COL6A5: variants seen among roughly 807,000 people sequenced by gnomAD.
COL6A5 encodes collagen type VI alpha 5 chain, also known as collagen alpha-5(VI) chain.
A neutral mutation model predicts 65.6 loss-of-function variants in COL6A5; 48 were observed. The observed-to-expected ratio is 0.73, with a 90% CI of 0.58 to 0.93. COL6A5 has a LOEUF of 0.93. Among genes scored for constraint, COL6A5 ranks in the 40% least tolerant of loss-of-function variants. The probability of loss-of-function intolerance (pLI) is 0.00; values close to 1 mark genes in which losing one functional copy is unlikely to be tolerated. For synonymous variants in COL6A5, 291 were observed against 322.8 expected, an observed-to-expected ratio of 0.90 and a Z score of 1.05; for missense variants, 914 against 928.3, an observed-to-expected ratio of 0.98 and a Z score of 0.20.
chr3:130,470,851 C>T lies in COL6A5; in HGVS notation c.2232-20C>T, dbSNP rs756423781. The T allele has an allele frequency of 1.9e-5, 30 of 1,579,998 alleles. No homozygotes were observed. In the South Asian group the frequency reaches 2.9e-4, roughly 15 times the overall value. ...TGTAGGTGGGTAAAATTTAGACTAA[C>T]CAGCCCACTCTCTCTCCAGGTGCCA... On this transcript the variant is annotated intron_variant, in intron 6 of 7. Coordinates refer to ENST00000512836, the Ensembl canonical transcript of COL6A5.
chr3:130,406,206 C>G (rs1157472180), intron 16 of COL6A5, 31 bp downstream of exon 16: 55 of 1,549,910 alleles, frequency 3.5e-5, no homozygotes, highest in Non-Finnish European at 4.3e-5. Flanking sequence ...TATCATAAAA[C>G]TGTCATGAGG....
intron 25 of COL6A5, among the ~76,000 whole-genome samples, chr3:130,420,152 G>GGAA (rs1937484693): frequency 6.6e-6 from 1 of 151,638 alleles, no homozygotes; most frequent in African/African-American, 2.4e-5. Context: ...AAAGAAGGAA[G>GGAA]GAAGAGAGGA....
chr3:130,474,788 A>C (rs1026953101), intron 7 of COL6A5, among the ~76,000 whole-genome samples: 1 of 151,914 alleles, frequency 6.6e-6, no homozygotes, highest in African/African-American at 2.4e-5. Context: ...TGGGCAGATC[A>C]CTTGAGCCCA....
chr3:130,423,608 G>A (rs748996370), intron 28 of COL6A5, among the ~76,000 whole-genome samples: 74 of 152,046 alleles, frequency 4.9e-4, no homozygotes, highest in Non-Finnish European at 8.4e-4. Context: ...TGAAATGCAC[G>A]GCCAGTGCCA....
intron 5 of COL6A5, among the ~76,000 whole-genome samples, chr3:130,466,172 C>G (rs1285727315): frequency 6.6e-6 from 1 of 151,990 alleles, no homozygotes; most frequent in Non-Finnish European, 1.5e-5. Flanking sequence ...AATATATAAT[C>G]TTTTCAAGTG....
chr3:130,471,672 A>G lies in COL6A5; in HGVS notation c.2328+705A>G, dbSNP rs1416667910. ...AACTAATTTTTTATCTCTCTTCTCT[A>G]TTACCTCAGACTTCTTCCTGGGATA... On this transcript the variant is annotated intron_variant, in intron 7 of 7. Transcript: ENST00000512836. 1.3e-6 allele frequency: 2 copies of G among 1,533,476 alleles called. No individual in the cohort carries two copies. The highest frequency in any genetic ancestry group is 1.2e-5 in the South Asian group (1 of 83,636). The allele number at this position is 1,533,476 out of a possible 1,614,324, so 95.0% of individuals were successfully genotyped here.
chr3:130,461,759 T>C (rs527518223), intron 5 of COL6A5, among the ~76,000 whole-genome samples: 16 of 147,334 alleles, frequency 1.1e-4, no homozygotes, highest in Middle Eastern at 3.4e-3. Context: ...TAAATTTAAA[T>C]TAACTTTTTT....
At chr3:130,477,325 T>C in intron 7 of COL6A5, 1 of 397,908 alleles carries the variant, frequency 2.5e-6, no homozygotes, top group Non-Finnish European at 4.5e-6. Flanking sequence ...AAAATATAAA[T>C]CCATTATATC....
chr3:130,367,009 A>G (rs932146379), intron 1 of COL6A5, among the ~76,000 whole-genome samples: 1 of 152,160 alleles, frequency 6.6e-6, no homozygotes, highest in Non-Finnish European at 1.5e-5. Context: ...TTGGAGGAAG[A>G]ATTTTATGTG....
rs1709139476 is a variant in COL6A5, at chr3:130,440,148, C to T, written c.582-18C>T. 6.3e-7 allele frequency: 1 copy of T among 1,592,756 alleles called. No homozygotes were observed. Among genetic ancestry groups the T allele is most frequent in the Admixed American group, 1.7e-5 (1 of 58,104 alleles). ...GGTCAGTGTTGAACCAATGATGTGT[C>T]TCTCTGTGTGTTTTCAGATAAATGT... On this transcript the variant is annotated intron_variant, in intron 2 of 7. Transcript: ENST00000512836.
chr3:130,469,415 C>A (rs753445274), exon 6 of COL6A5: 1 of 1,612,858 alleles, frequency 6.2e-7, no homozygotes, highest in South Asian at 1.1e-5. Flanking sequence ...CCAACTTGGC[C>A]GAACCCACAA....
At chr3:130,435,552 T>C (rs1228184242) in intron 1 of COL6A5, among the ~76,000 whole-genome samples, 1 of 152,216 alleles carries the variant, frequency 6.6e-6, no homozygotes, top group Non-Finnish European at 1.5e-5. Context: ...TTTCATAATA[T>C]TGATTCTTGC....
At chr3:130,385,093 A>G in exon 5 of COL6A5, 1 of 1,551,036 alleles carries the variant, frequency 6.4e-7, no homozygotes, top group South Asian at 1.2e-5. Context: ...ACATACTGCA[A>G]ATAATAAAAA....
At chr3:130,444,058 T>C (rs374154787) in intron 4 of COL6A5, among the ~76,000 whole-genome samples, 6 of 152,288 alleles carry the variant, frequency 3.9e-5, no homozygotes, top group East Asian at 1.9e-4. Context: ...TGTTCCTTGC[T>C]GAGAAAAAGA....
At chr3:130,350,590 A>T (rs1934666539) in intron 1 of COL6A5, among the ~76,000 whole-genome samples, 1 of 152,238 alleles carries the variant, frequency 6.6e-6, no homozygotes, top group African/African-American at 2.4e-5. Flanking sequence ...ATACCTAGGT[A>T]TCCAACTTAC....
At chr3:130,477,298 C>T (rs1400539207) in intron 7 of COL6A5, 3 of 452,400 alleles carry the variant, frequency 6.6e-6, no homozygotes, top group Non-Finnish European at 1.2e-5. Context: ...TAAGTTTGAT[C>T]ATCTATTTGA....
chr3:130,440,866 T>A (rs1023499703), intron 3 of COL6A5, 41 bp downstream of exon 35: 1 of 1,438,026 alleles, frequency 7.0e-7, no homozygotes, highest in Non-Finnish European at 9.6e-7. Flanking sequence ...TTTAATAAGC[T>A]AGTGTTTGTT....
At chr3:130,440,278 G>T in exon 3 of COL6A5, 1 of 1,607,822 alleles carries the variant, frequency 6.2e-7, no homozygotes, top group Non-Finnish European at 8.5e-7. Flanking sequence ...ATGAGTTTAA[G>T]GCTGTGAAAG....
intron 7 of COL6A5, chr3:130,477,321 T>C: frequency 4.9e-6 from 2 of 408,804 alleles, no homozygotes; most frequent in Non-Finnish European, 8.7e-6. Flanking sequence ...ATTAAAAATA[T>C]AAATCCATTA....
Sources: allele counts gnomAD v4.1 joint callset (sites outside exome capture counted in the v4.1 genomes callset), GRCh38; gene constraint gnomAD v4.1.1; transcripts MANE v1.5; gene names NCBI Gene and HGNC (gene_info 2026-07-23, HGNC 2026-07-21).